ASTN1: variants seen among roughly 807,000 people sequenced by gnomAD.
The protein encoded by ASTN1 is astrotactin 1, also known as astrotactin-1.
Under a neutral mutation model 140.7 loss-of-function variants are expected in ASTN1, and 41 were observed. The observed-to-expected ratio is 0.29, with a 90% CI of 0.23 to 0.38. The LOEUF (loss-of-function observed/expected upper bound fraction) is 0.38, where lower values mean the gene tolerates loss of function less well. ASTN1 is among the 10% of genes least tolerant of loss of function. The pLI is 1.00. For missense variants in ASTN1, 1,479 were observed against 1,678.8 expected, an observed-to-expected ratio of 0.88 and a Z score of 2.08; for synonymous variants, 640 against 652.2, an observed-to-expected ratio of 0.98 and a Z score of 0.29.
At chr1:177,083,067 CT>C (rs1679257792) in intron 1 of ASTN1, among the ~76,000 whole-genome samples, 1 of 152,136 alleles carries the variant, frequency 6.6e-6, no homozygotes, top group Non-Finnish European at 1.5e-5. Flanking sequence ...GCCTTGACTT[CT>C]TAAGCCCTCG....
chr1:176,899,111 T>C (rs115810469), intron 16 of ASTN1, among the ~76,000 whole-genome samples: 1,714 of 152,310 alleles, frequency 0.011, 37 homozygotes, highest in African/African-American at 0.039. Context: ...TAGTTAACAA[T>C]CCTAAAACTG....
intron 8 of ASTN1, among the ~76,000 whole-genome samples, chr1:177,006,809 C>A (rs1486019828): frequency 6.6e-6 from 1 of 152,084 alleles, no homozygotes; most frequent in Admixed American, 6.5e-5. Context: ...GTAGACAGCA[C>A]TGTAGGTGGA....
chr1:176,889,887 T>C (rs1278388359), intron 17 of ASTN1, among the ~76,000 whole-genome samples: 1 of 152,202 alleles, frequency 6.6e-6, no homozygotes, highest in East Asian at 1.9e-4. Flanking sequence ...GCTCCCAGCA[T>C]GAAGCCTGGT....
In ASTN1 at chr1:176,894,670, G is replaced by A. The variant is rs1376082472; in HGVS notation, c.2832C>T (p.Pro944=). The A allele has an allele frequency of 3.1e-6, 5 of 1,614,126 alleles. No individual in the cohort carries two copies. The highest frequency in any genetic ancestry group is 1.6e-4 in the Middle Eastern group (1 of 6,062). The change falls in exon 17 of 23, where the codon CCC becomes CCT. Residue 944 remains proline, a synonymous_variant. Coordinates refer to ENST00000361833, the MANE Select transcript of ASTN1 (RefSeq NM_004319.3). ...HSKGRCPSSC[P]LCHVTSSPDT... ...CAGGGCTGGATGTCACATGACACAGGGGGCAGGACGAGGGGCATCGTCCCT... is the reference window on the plus strand; with the variant it reads ...CAGGGCTGGATGTCACATGACACAGAGGGCAGGACGAGGGGCATCGTCCCT...
At chr1:176,984,481 A>G (rs1403895857) in intron 8 of ASTN1, among the ~76,000 whole-genome samples, 1 of 152,144 alleles carries the variant, frequency 6.6e-6, no homozygotes, top group African/African-American at 2.4e-5. Flanking sequence ...GCTTGTGGAA[A>G]TGCTGTTGAG....
At chr1:177,162,660 T>G (rs1647449678) in intron 1 of ASTN1, among the ~76,000 whole-genome samples, 1 of 152,186 alleles carries the variant, frequency 6.6e-6, no homozygotes, top group African/African-American at 2.4e-5. Context: ...TGCTTGTACC[T>G]CTTCATGCAC....
chr1:176,970,403 C>A (rs1673086565), intron 8 of ASTN1, among the ~76,000 whole-genome samples: 1 of 152,196 alleles, frequency 6.6e-6, no homozygotes. Context: ...AACAAGGGTC[C>A]TTTAAATTCA....
chr1:177,129,798 C>A lies in ASTN1; in HGVS notation c.283+34596G>T, dbSNP rs1681853986. The stretch of plus-strand genomic sequence containing the variant: ...CCTGGCTAACACGGTGAAACCCCGT[C>A]TCTGCTTAAAATACAAAAACTAGCT... On this transcript the variant is annotated intron_variant, in intron 1 of 22. Coordinates refer to ENST00000361833, the MANE Select transcript of ASTN1 (RefSeq NM_004319.3). 1.3e-5 allele frequency among the ~76,000 whole-genome samples: 2 copies of A among 152,074 alleles called. 1 individual carries two copies. Among genetic ancestry groups the A allele is most frequent in the South Asian group, 4.2e-4 (2 of 4,812 alleles).
At chr1:177,147,244 GTATCA>G (rs1474436147) in intron 1 of ASTN1, among the ~76,000 whole-genome samples, 3 of 152,090 alleles carry the variant, frequency 2.0e-5, no homozygotes, top group Non-Finnish European at 4.4e-5. Flanking sequence ...CCTGGAAAGG[GTATCA>G]TCGGTCCCTG....
In ASTN1 at chr1:177,044,441, GC is replaced by G. The variant is rs1436855620; in HGVS notation, c.472-11593del. Among the ~76,000 whole-genome samples, 154 of 152,262 alleles carry G rather than the reference GC, an allele frequency of 1.0e-3. 1 individual carries two copies. The highest frequency in any genetic ancestry group is 5.9e-5 in the Non-Finnish European group (4 of 68,018). ...CTGATTTCTTCACTAGCTGACCATG[GC>G]CCCCTCTGTTCCCAGCAGAACAGCC... On this transcript the variant is annotated intron_variant, in intron 2 of 22. Coordinates refer to ENST00000361833, the MANE Select transcript of ASTN1 (RefSeq NM_004319.3).
At position 176,861,386 on chromosome 1, in the gene ASTN1, G is replaced by C. The variant is rs1373978873; in HGVS notation, c.*2898C>G. The C allele has an allele frequency of 1.3e-5, 13 of 985,754 alleles. No individual in the cohort carries two copies. The highest frequency in any genetic ancestry group is 6.1e-5 in the Admixed American group (1 of 16,270). 61.1% of individuals were successfully genotyped at this position (985,754 alleles called of 1,614,324 possible). ...AACTCCAGAGGTCTTGGGGACATGG[G>C]AGCTGGGAGAGTGTTGGTGGGATAT... On this transcript the variant is annotated 3_prime_UTR_variant, in exon 23 of 23. Transcript: ENST00000361833.
At position 176,862,377 on chromosome 1, in the gene ASTN1, G is replaced by T. The variant is rs949070583; in HGVS notation, c.*1907C>A. On this transcript the variant is annotated 3_prime_UTR_variant, in exon 23 of 23. Transcript: ENST00000361833. ...AGGGTGGGGAGGAGGGCCATGTGCA[G>T]TGGAACTAGGGGTCCCAAGGGTGCT... 2.0e-6 allele frequency: 2 copies of T among 985,398 alleles called. No homozygotes were observed. The highest frequency in any genetic ancestry group is 3.5e-5 in the African/African-American group (2 of 57,254). The allele number at this position is 985,398 out of a possible 1,614,324, so 61.0% of individuals were successfully genotyped here.
At chr1:177,143,818 TA>T (rs536005449) in intron 1 of ASTN1, among the ~76,000 whole-genome samples, 80 of 152,274 alleles carry the variant, frequency 5.3e-4, no homozygotes, top group African/African-American at 1.9e-3. Context: ...AAGTATCGAC[TA>T]AAAATATTCT....
chr1:176,861,568 C>A lies in ASTN1; in HGVS notation c.*2716G>T. ...ATAGTGTCTTCCAAGGGGAAAAAAT[C>A]CTCCAGTCAATTGTACAACCATCCT... On this transcript the variant is annotated 3_prime_UTR_variant, in exon 23 of 23. Transcript: ENST00000361833. 1 of 985,664 alleles carries A rather than the reference C, an allele frequency of 1.0e-6. No homozygotes were observed. The highest frequency in any genetic ancestry group is 1.2e-6 in the Non-Finnish European group (1 of 829,950). The allele number at this position is 985,664 out of a possible 1,614,324, so 61.1% of individuals were successfully genotyped here.
At chr1:176,950,040 T>G (rs753278123) in intron 11 of ASTN1, among the ~76,000 whole-genome samples, 12 of 152,208 alleles carry the variant, frequency 7.9e-5, no homozygotes, top group Non-Finnish European at 1.6e-4. Context: ...ATGCAAAATA[T>G]TTAGCTTTTC....
At chr1:176,949,550 CTA>C (rs1672106348) in intron 11 of ASTN1, among the ~76,000 whole-genome samples, 199 bp from the exon 12 acceptor site, 1 of 152,222 alleles carries the variant, frequency 6.6e-6, no homozygotes, top group Non-Finnish European at 1.5e-5. Flanking sequence ...CTTCTTCTCT[CTA>C]GACACTGATC....
intron 8 of ASTN1, among the ~76,000 whole-genome samples, chr1:176,988,850 G>C (rs1252604489): frequency 6.6e-6 from 1 of 152,128 alleles, no homozygotes; most frequent in African/African-American, 2.4e-5. Flanking sequence ...GCATAGCCTA[G>C]ATATAATTTA....
chr1:177,125,126 T>A (rs1681580452), intron 1 of ASTN1, among the ~76,000 whole-genome samples: 1 of 152,140 alleles, frequency 6.6e-6, no homozygotes, highest in African/African-American at 2.4e-5. Flanking sequence ...TAAAACAGTA[T>A]TTATGAGAAA....
chr1:177,075,041 G>T (rs1022704830), intron 1 of ASTN1, among the ~76,000 whole-genome samples: 2 of 152,016 alleles, frequency 1.3e-5, no homozygotes, highest in African/African-American at 2.4e-5. Flanking sequence ...TTTATATACA[G>T]TTAATTAATA....
Sources: allele counts gnomAD v4.1 joint callset (sites outside exome capture counted in the v4.1 genomes callset), GRCh38; gene constraint gnomAD v4.1.1; transcripts MANE v1.5; gene names NCBI Gene and HGNC (gene_info 2026-07-23, HGNC 2026-07-21).